The following MX1 variants were observed in gnomAD, a reference collection of about 807,000 sequenced individuals.
MX1 encodes MX dynamin like GTPase 1.
MX1 carries 66 observed loss-of-function variants against 66.4 expected under a neutral mutation model. That is an observed-to-expected ratio of 0.99 (90% CI 0.82 to 1.22). MX1 has a LOEUF of 1.22. MX1 is among the 50% of genes most tolerant of loss of function. The pLI is 0.00. For synonymous variants in MX1, 311 were observed against 318.1 expected, an observed-to-expected ratio of 0.98 and a Z score of 0.24; for missense variants, 787 against 834.3, an observed-to-expected ratio of 0.94 and a Z score of 0.70.
chr21:41,452,996 C>A, intron 16 of MX1, 127 bp downstream of exon 16: 1 of 1,071,372 alleles, frequency 9.3e-7, no homozygotes, highest in Non-Finnish European at 1.4e-6. Context: ...CCTTGTTAGC[C>A]TCCTGTATTA....
chr21:41,439,674 T>A lies in MX1; in HGVS notation c.437-20T>A. ...ATCCTAAGCTCTGTTTGGGTTTGAT[T>A]TTCCCTGTCTCTTTTCTAGCCCAGA... On this transcript the variant is annotated intron_variant, in intron 7 of 16. Coordinates refer to ENST00000398598, the MANE Select transcript of MX1 (RefSeq NM_002462.5). The A allele has an allele frequency of 6.2e-7, 1 of 1,611,270 alleles. No homozygotes were observed. The highest frequency in any genetic ancestry group is 8.5e-7 in the Non-Finnish European group (1 of 1,177,704).
intron 7 of MX1, 28 bp downstream of exon 7, chr21:41,437,180 T>C: frequency 1.2e-6 from 2 of 1,613,078 alleles, no homozygotes; most frequent in Non-Finnish European, 1.7e-6. Flanking sequence ...GGATGCCTGG[T>C]CAAGCCTTCT....
chr21:41,443,047 T>G (rs1313559103), intron 10 of MX1, among the ~76,000 whole-genome samples: 1 of 152,232 alleles, frequency 6.6e-6, no homozygotes, highest in Non-Finnish European at 1.5e-5. Flanking sequence ...GGTTGCATAA[T>G]AGTGTGAATG....
intron 7 of MX1, among the ~76,000 whole-genome samples, chr21:41,437,580 G>C (rs2090399879): frequency 6.6e-6 from 1 of 152,206 alleles, no homozygotes; most frequent in Admixed American, 6.5e-5. Flanking sequence ...AGTCAAGGCT[G>C]CAGTGAGCCG....
rs560307978 is a variant in MX1, at chr21:41,431,872, A to G, written c.-21-178A>G. ...CACTCTGTTTCTCTTTCCGTGAATA[A>G]AAAGCCAGTGAGCACACACTGTGTC... On this transcript the variant is annotated intron_variant, in intron 4 of 16. Transcript: ENST00000398598. 8.8e-5 allele frequency: 49 copies of G among 557,906 alleles called. 3 individuals are homozygous for G. The South Asian group carries it at 1.0e-3, about 12-fold the overall frequency. 34.6% of individuals were successfully genotyped at this position (557,906 alleles called of 1,614,324 possible). A position where few individuals can be genotyped will look rare whatever the true frequency, so the allele number is the denominator to read the frequency against.
intron 5 of MX1, among the ~76,000 whole-genome samples, chr21:41,435,591 T>C (rs748471437): frequency 3.3e-5 from 5 of 152,152 alleles, no homozygotes; most frequent in Admixed American, 1.3e-4. Context: ...GGAGAGAGAA[T>C]GACTGAAGGA....
chr21:41,438,274 C>T (rs2090417769), intron 7 of MX1, among the ~76,000 whole-genome samples: 1 of 152,256 alleles, frequency 6.6e-6, no homozygotes, highest in Non-Finnish European at 1.5e-5. Flanking sequence ...TGGCTGCTTG[C>T]AGCAGAAAAC....
At chr21:41,454,314 G>A (rs551110526) in intron 16 of MX1, among the ~76,000 whole-genome samples, 1 of 152,238 alleles carries the variant, frequency 6.6e-6, no homozygotes, top group East Asian at 1.9e-4. Context: ...ATGGTTTGTG[G>A]GGTGTGTGTG....
chr21:41,447,782 C>CTG (rs992056096), intron 13 of MX1, among the ~76,000 whole-genome samples: 7 of 152,124 alleles, frequency 4.6e-5, no homozygotes, highest in South Asian at 2.1e-4. Context: ...GTTGCCCAGG[C>CTG]TGGGGTGCAG....
At chr21:41,432,491 C>T (rs1352178003) in intron 5 of MX1, among the ~76,000 whole-genome samples, 1 of 152,224 alleles carries the variant, frequency 6.6e-6, no homozygotes, top group Non-Finnish European at 1.5e-5. Flanking sequence ...TTCCTGCCCA[C>T]ATCATGATTC....
At position 41,432,009 on chromosome 21, in the gene MX1, C is replaced by T. The variant is rs2090227881; in HGVS notation, c.-21-41C>T. On this transcript the variant is annotated intron_variant, in intron 4 of 16. Coordinates refer to ENST00000398598, the MANE Select transcript of MX1 (RefSeq NM_002462.5). ...GTTTGGTTCCATGGTTGAATGCACC[C>T]AGCTGCTTATCTGTTCAATAGGCAT... 6 of 1,554,168 alleles carry T rather than the reference C, an allele frequency of 3.9e-6. No individual in the cohort carries two copies. In the African/African-American group the frequency reaches 8.1e-5, roughly 21 times the overall value.
Position 41,436,037 on chromosome 21 carries a change from C to T in MX1, c.298+8C>T, listed in dbSNP as rs762046341. On this transcript the variant is annotated splice_region_variant and intron_variant, in intron 6 of 16. Transcript: ENST00000398598. Reference sequence around the variant, plus strand: ...CCCTTCCCAGAGGCAGCGGTAAGAACTTACATTCTGTGTTAGTCTGCTCAG... The same window carrying T: ...CCCTTCCCAGAGGCAGCGGTAAGAATTTACATTCTGTGTTAGTCTGCTCAG... 5 of 1,613,496 alleles carry T rather than the reference C, an allele frequency of 3.1e-6. No homozygotes were observed. The African/African-American group carries it at 4.0e-5, about 13-fold the overall frequency.
chr21:41,449,165 G>T lies in MX1; in HGVS notation c.1302G>T (p.Gln434His). ...ATAAAATTTTGAGTAGAAAAATCCA[G>T]AAATTTGAAAATCAGTATCGTGGTA... ...EGHKILSRKIQKFENQYRGRE... is the reference protein window; with the variant it reads ...EGHKILSRKIHKFENQYRGRE... Residue 434 changes from glutamine (Q) to histidine (H), a missense_variant, in exon 14 of 17, where the codon CAG (glutamine) becomes CAT (histidine). Gln to His is a conservative substitution (Grantham distance 24, BLOSUM62 0). Coordinates refer to ENST00000398598, the MANE Select transcript of MX1 (RefSeq NM_002462.5). 1.2e-6 allele frequency: 2 copies of T among 1,611,978 alleles called. No individual in the cohort carries two copies. Among genetic ancestry groups the T allele is most frequent in the Non-Finnish European group, 1.7e-6 (2 of 1,179,368 alleles).
At chr21:41,426,060 C>G (rs2090051455), upstream of MX1, 1 of 165,996 alleles carries the variant, frequency 6.0e-6, no homozygotes. Flanking sequence ...GGTTCGGGCC[C>G]GAGAACCTGC....
chr21:41,421,550 T>TTGTG (rs1407669027), upstream of MX1, among the ~76,000 whole-genome samples: 2 of 152,250 alleles, frequency 1.3e-5, no homozygotes, highest in Non-Finnish European at 2.9e-5. Flanking sequence ...TCCGCAGTGT[T>TTGTG]TGTGTCCCTG....
Position 41,459,089 on chromosome 21 carries a change from G to C in MX1, c.*331G>C, listed in dbSNP as rs2091027087. The C allele has an allele frequency of 2.4e-6, 1 of 419,784 alleles. No individual in the cohort carries two copies. The highest frequency in any genetic ancestry group is 4.5e-5 in the South Asian group (1 of 22,442). 26.0% of individuals were successfully genotyped at this position (419,784 alleles called of 1,614,324 possible). A position where few individuals can be genotyped will look rare whatever the true frequency, so the allele number is the denominator to read the frequency against. On this transcript the variant is annotated 3_prime_UTR_variant, in exon 17 of 17. Transcript: ENST00000398598. ...AAACTGACACATGCTGAACATCACA[G>C]CTTATTTCCTCATTTTTATAATGTC... is the stretch of plus-strand genomic sequence containing the variant.
At chr21:41,432,722 T>C (rs2090254942) in intron 5 of MX1, among the ~76,000 whole-genome samples, 1 of 152,134 alleles carries the variant, frequency 6.6e-6, no homozygotes, top group Non-Finnish European at 1.5e-5. Flanking sequence ...ATATCTAAAA[T>C]GAGAATAATG....
intron 11 of MX1, among the ~76,000 whole-genome samples, chr21:41,444,677 A>G (rs930880684): frequency 6.6e-6 from 1 of 152,114 alleles, no homozygotes; most frequent in African/African-American, 2.4e-5. Context: ...CTGTATGCAG[A>G]AAGAGGATGC....
chr21:41,430,967 C>T (rs893171007), intron 4 of MX1, among the ~76,000 whole-genome samples: 5 of 152,288 alleles, frequency 3.3e-5, no homozygotes, highest in Middle Eastern at 3.4e-3. Context: ...TATTTGGATT[C>T]TCTTGGCTAC....
Sources: gnomAD v4.1 joint callset for allele counts (sites outside exome capture counted in the v4.1 genomes callset) on GRCh38, gnomAD v4.1.1 for gene constraint, MANE v1.5 for transcripts, NCBI Gene and HGNC (gene_info 2026-07-23, HGNC 2026-07-21) for gene names.